FRMPD4: variants seen among roughly 807,000 people sequenced by gnomAD.
FRMPD4 encodes FERM and PDZ domain-containing protein 4.
In FRMPD4, 22 loss-of-function variants were observed where a neutral mutation model predicts 94.1. The ratio of observed to expected loss-of-function variants is 0.23; its 90% CI spans 0.17 to 0.33. The LOEUF is 0.33. Among genes scored for constraint, FRMPD4 ranks in the 10% least tolerant of loss-of-function variants. The pLI, the probability that FRMPD4 is intolerant of heterozygous loss-of-function variation, is 1.00. For missense variants in FRMPD4, 1,111 were observed against 1,339.9 expected, an observed-to-expected ratio of 0.83 and a Z score of 2.67; for synonymous variants, 631 against 548.6, an observed-to-expected ratio of 1.15 and a Z score of -2.10.
chrX:12,356,786 G>A (rs1400100291), intron 1 of FRMPD4, among the ~76,000 whole-genome samples: 4 of 111,689 alleles, frequency 3.6e-5, no homozygotes, highest in African/African-American at 1.3e-4. Flanking sequence ...ACAGTTTGCT[G>A]GTGGCTACTG....
At chrX:12,605,267 G>A (rs914719028) in intron 2 of FRMPD4, among the ~76,000 whole-genome samples, 15 of 112,362 alleles carry the variant, frequency 1.3e-4, no homozygotes, top group African/African-American at 4.9e-4. Flanking sequence ...ATCAGGACAC[G>A]AGAACTGCAT....
At chrX:12,106,578 C>T (rs188298628) in intron 3 of FRMPD4, among the ~76,000 whole-genome samples, 20 of 111,171 alleles carry the variant, frequency 1.8e-4, no homozygotes, top group Admixed American at 1.3e-3. Context: ...TGCAGCCCAC[C>T]GAGCATGAGC....
At chrX:11,835,259 C>T (rs1209169795) in intron 1 of FRMPD4, among the ~76,000 whole-genome samples, 1 of 111,918 alleles carries the variant, frequency 8.9e-6, no homozygotes, top group East Asian at 2.8e-4. Context: ...CTTCTAAAGC[C>T]AGAAAGACTA....
intron 3 of FRMPD4, among the ~76,000 whole-genome samples, chrX:11,962,045 G>A (rs994567496): frequency 2.7e-5 from 3 of 112,534 alleles, no homozygotes; most frequent in Non-Finnish European, 3.8e-5. Context: ...AGGACAAAAG[G>A]GAAGACGTTG....
At chrX:12,356,358 A>G in intron 1 of FRMPD4, among the ~76,000 whole-genome samples, 2 of 112,418 alleles carry the variant, frequency 1.8e-5, no homozygotes, top group Non-Finnish European at 3.8e-5. Flanking sequence ...GCATTAGGGA[A>G]AGATTCTTGG....
intron 2 of FRMPD4, among the ~76,000 whole-genome samples, chrX:12,563,621 G>A (rs1206221604): frequency 1.8e-5 from 2 of 111,937 alleles, no homozygotes; most frequent in Admixed American, 1.9e-4. Context: ...CCAGGTGCCA[G>A]TACTGTTTTC....
At chrX:11,996,752 G>T (rs919588638) in intron 3 of FRMPD4, among the ~76,000 whole-genome samples, 1 of 111,877 alleles carries the variant, frequency 8.9e-6, no homozygotes, top group Non-Finnish European at 1.9e-5. Flanking sequence ...ATTCTGCAAA[G>T]AACTTTGGTG....
At chrX:11,837,887 TCA>T (rs760820988) in intron 1 of FRMPD4, among the ~76,000 whole-genome samples, 12 of 111,325 alleles carry the variant, frequency 1.1e-4, no homozygotes, top group Non-Finnish European at 2.3e-4. Flanking sequence ...GCAAATATGT[TCA>T]CTTCAAATTA....
intron 1 of FRMPD4, among the ~76,000 whole-genome samples, chrX:11,845,290 G>A (rs1037184277): frequency 1.2e-4 from 13 of 111,865 alleles, no homozygotes; most frequent in African/African-American, 3.6e-4. Flanking sequence ...GTGACAGAAA[G>A]GTGAACAGGA....
chrX:12,653,763 TTTTG>T (rs1312972025), intron 4 of FRMPD4, among the ~76,000 whole-genome samples: 1 of 109,188 alleles, frequency 9.2e-6, no homozygotes, highest in East Asian at 2.8e-4. Flanking sequence ...AACCACTAAT[TTTTG>T]TTTGTTTGTT....
At chrX:11,913,201 C>G (rs979635720) in intron 3 of FRMPD4, among the ~76,000 whole-genome samples, 5 of 112,210 alleles carry the variant, frequency 4.5e-5, no homozygotes, top group South Asian at 3.7e-4. Context: ...GATCCTAATT[C>G]TATTGCTTTT....
At chrX:12,425,368 T>G (rs2056933475) in intron 1 of FRMPD4, among the ~76,000 whole-genome samples, 1 of 112,177 alleles carries the variant, frequency 8.9e-6, no homozygotes, top group Admixed American at 9.5e-5. Context: ...AAAAATTATG[T>G]GTAAAAGGGT....
At chrX:12,549,601 A>C (rs2058512648) in intron 2 of FRMPD4, among the ~76,000 whole-genome samples, 1 of 112,274 alleles carries the variant, frequency 8.9e-6, no homozygotes, top group African/African-American at 3.2e-5. Flanking sequence ...TAAATTTGCC[A>C]ACCTCTGCAT....
In FRMPD4 at chrX:12,718,543, C is replaced by T; in HGVS notation, c.3717C>T (p.Leu1239=). The T allele has an allele frequency of 2.5e-6, 3 of 1,201,972 alleles. No homozygotes were observed. The highest frequency in any genetic ancestry group is 3.4e-6 in the Non-Finnish European group (3 of 886,407). ...SACATPVESP[L]CPSLGKHLIP... ...GTGCCACACCCGTGGAGTCGCCGCT[C>T]TGCCCCTCCCTGGGGAAGCACTTGA... Residue 1239 remains leucine, a synonymous_variant, in exon 16 of 17, where the codon CTC becomes CTT. Transcript: ENST00000675598.
intron 3 of FRMPD4, among the ~76,000 whole-genome samples, chrX:12,133,419 G>A (rs1296032101): frequency 9.3e-6 from 1 of 107,485 alleles, no homozygotes; most frequent in Non-Finnish European, 1.9e-5. Flanking sequence ...AGGGAACCAG[G>A]GCATTTCTTT....
Position 12,690,342 on chromosome X carries a change from C to T in FRMPD4, c.813+16C>T. ...TCTAACTCAGGTCTGTGAAATCTCA[C>T]CCTCAAGTGATGAGGCTGCAGGTTA... On this transcript the variant is annotated intron_variant, in intron 8 of 16. Coordinates refer to ENST00000675598, the MANE Select transcript of FRMPD4 (RefSeq NM_001368397.1). The T allele has an allele frequency of 8.3e-7, 1 of 1,200,979 alleles. No homozygotes were observed. The highest frequency in any genetic ancestry group is 1.1e-6 in the Non-Finnish European group (1 of 887,835).
chrX:11,845,823 T>A (rs2053572899), intron 1 of FRMPD4, among the ~76,000 whole-genome samples: 1 of 108,641 alleles, frequency 9.2e-6, no homozygotes, highest in African/African-American at 3.4e-5. Flanking sequence ...TTGACAAAAT[T>A]CAACAACCCT....
intron 4 of FRMPD4, among the ~76,000 whole-genome samples, chrX:12,628,238 C>G (rs939067229): frequency 4.5e-5 from 5 of 111,712 alleles, no homozygotes; most frequent in African/African-American, 1.6e-4. Flanking sequence ...AGTGTATGAT[C>G]AGTTCATCCT....
chrX:12,518,673 TCACC>T (rs1186044725), intron 2 of FRMPD4, among the ~76,000 whole-genome samples: 1 of 111,925 alleles, frequency 8.9e-6, no homozygotes, highest in African/African-American at 3.3e-5. Context: ...ACACCCACTT[TCACC>T]ACTTCTATTC....
Sources: gnomAD v4.1 joint callset for allele counts (sites outside exome capture counted in the v4.1 genomes callset) on GRCh38, gnomAD v4.1.1 for gene constraint, MANE v1.5 for transcripts, NCBI Gene and HGNC (gene_info 2026-07-23, HGNC 2026-07-21) for gene names.